The following HSF2 variants were observed in gnomAD, a reference collection of about 807,000 sequenced individuals.
The protein encoded by HSF2 is heat shock factor protein 2.
A neutral mutation model predicts 65.0 loss-of-function variants in HSF2; 21 were observed. The observed-to-expected ratio is 0.32, with a 90% CI of 0.23 to 0.47. HSF2 has a LOEUF of 0.47. HSF2 is among the 20% of genes least tolerant of loss of function. The pLI is 1.00. For synonymous variants in HSF2, 225 were observed against 219.1 expected, an observed-to-expected ratio of 1.03 and a Z score of -0.24; for missense variants, 499 against 628.1, an observed-to-expected ratio of 0.79 and a Z score of 2.20.
intron 1 of HSF2, among the ~76,000 whole-genome samples, chr6:122,404,235 A>G (rs1164181461): frequency 1.3e-5 from 2 of 152,154 alleles, no homozygotes; most frequent in Admixed American, 6.5e-5. Context: ...GCTGTTTTGG[A>G]TGAATTTGAG....
In HSF2 at chr6:122,404,679, A is replaced by G. The variant is rs553254460; in HGVS notation, c.93+4849A>G. Among the ~76,000 whole-genome samples the G allele has an allele frequency of 6.6e-5, 10 of 152,326 alleles. 1 individual carries two copies. Among genetic ancestry groups the G allele is most frequent in the South Asian group, 4.1e-4 (2 of 4,824 alleles). ...GGTAAGGTTTAAGGAGAAGGTGCCT[A>G]TCTTTCCCACCTCACTCAGTAGTAG... is the stretch of plus-strand genomic sequence containing the variant. On this transcript the variant is annotated intron_variant, in intron 1 of 12. Transcript: ENST00000368455.
chr6:122,419,380 A>C (rs1044555334), intron 6 of HSF2, 151 bp downstream of exon 6: 1 of 502,902 alleles, frequency 2.0e-6, no homozygotes, highest in Non-Finnish European at 3.6e-6. Flanking sequence ...AAATCTCTAG[A>C]GTAGTATTAT....
chr6:122,416,970 A>C (rs774308716), intron 5 of HSF2, among the ~76,000 whole-genome samples: 3 of 152,182 alleles, frequency 2.0e-5, no homozygotes, highest in Non-Finnish European at 2.9e-5. Flanking sequence ...TGAGTAAACT[A>C]GACTCTGAGT....
At chr6:122,403,145 T>C (rs568273846) in intron 1 of HSF2, among the ~76,000 whole-genome samples, 1 of 152,186 alleles carries the variant, frequency 6.6e-6, no homozygotes, top group Non-Finnish European at 1.5e-5. Context: ...GAGACGTACA[T>C]AACTTTAATT....
At chr6:122,405,425 A>ACTAT (rs1297232297) in intron 1 of HSF2, among the ~76,000 whole-genome samples, 2 of 152,202 alleles carry the variant, frequency 1.3e-5, no homozygotes, top group Non-Finnish European at 2.9e-5. Context: ...AGAGTTACTG[A>ACTAT]CTATATCAGG....
At chr6:122,407,697 C>A (rs556277436) in intron 1 of HSF2, among the ~76,000 whole-genome samples, 29 of 152,192 alleles carry the variant, frequency 1.9e-4, no homozygotes, top group Admixed American at 3.9e-4. Context: ...AGTTGTCTAG[C>A]ACCTTTACTG....
At chr6:122,400,273 G>A (rs1773697409) in intron 1 of HSF2, among the ~76,000 whole-genome samples, 1 of 152,160 alleles carries the variant, frequency 6.6e-6, no homozygotes. Context: ...CTTTATAGGA[G>A]GCGATCTTTA....
intron 1 of HSF2, among the ~76,000 whole-genome samples, chr6:122,400,166 CT>C (rs1467962676): frequency 6.6e-6 from 1 of 152,146 alleles, no homozygotes; most frequent in East Asian, 1.9e-4. Context: ...GCGGGAGCCT[CT>C]TTACTGCACA....
chr6:122,407,331 A>G (rs1159085760), intron 1 of HSF2, among the ~76,000 whole-genome samples: 1 of 152,176 alleles, frequency 6.6e-6, no homozygotes, highest in Non-Finnish European at 1.5e-5. Context: ...TAACCTCAAG[A>G]TAGTGTGAAT....
At chr6:122,407,935 G>A (rs1773903294) in intron 1 of HSF2, among the ~76,000 whole-genome samples, 1 of 150,066 alleles carries the variant, frequency 6.7e-6, no homozygotes. Flanking sequence ...GCAGACAGCT[G>A]CCTTCTCTCT....
intron 1 of HSF2, among the ~76,000 whole-genome samples, chr6:122,406,918 T>G (rs974967666): frequency 1.3e-5 from 2 of 152,198 alleles, no homozygotes; most frequent in Non-Finnish European, 2.9e-5. Context: ...CTTGACTGAC[T>G]TCCACACTCC....
intron 11 of HSF2, among the ~76,000 whole-genome samples, chr6:122,428,992 T>C (rs1268512184): frequency 6.6e-6 from 1 of 152,130 alleles, no homozygotes; most frequent in Non-Finnish European, 1.5e-5. Context: ...ATATGTTCTC[T>C]GTCATAACTA....
chr6:122,422,391 A>G, intron 8 of HSF2, 93 bp downstream of exon 8: 1 of 973,472 alleles, frequency 1.0e-6, no homozygotes, highest in Non-Finnish European at 1.6e-6. Flanking sequence ...TTGAAAAATA[A>G]TAATCTTTCT....
chr6:122,409,847 T>C (rs1773950698), intron 1 of HSF2, among the ~76,000 whole-genome samples: 1 of 151,956 alleles, frequency 6.6e-6, no homozygotes, highest in African/African-American at 2.4e-5. Context: ...AAAGCTTGCT[T>C]GTAAAGAGTA....
chr6:122,430,264 TTTC>T (rs1192723183), intron 11 of HSF2, among the ~76,000 whole-genome samples: 3 of 152,216 alleles, frequency 2.0e-5, no homozygotes, highest in African/African-American at 7.2e-5. Context: ...AATTTATTCA[TTTC>T]TTCTGGATTT....
Position 122,432,125 on chromosome 6 carries a change from T to C in HSF2, c.1516T>C (p.Leu506=), listed in dbSNP as rs1774486843. ...TQSKLVRLEP[L]TEAEASEATL... is the part of the protein sequence containing the mutation. Reference sequence around the variant, plus strand: ...AAGTAAGCTTGTTCGCCTGGAGCCATTGACTGAAGCTGAAGCTAGTGAAGC... The same window carrying C: ...AAGTAAGCTTGTTCGCCTGGAGCCACTGACTGAAGCTGAAGCTAGTGAAGC... Residue 506 remains leucine, a synonymous_variant, in exon 13 of 13, where the codon TTG becomes CTG. Transcript: ENST00000368455. 1.2e-6 allele frequency: 2 copies of C among 1,614,136 alleles called. No homozygotes were observed. The highest frequency in any genetic ancestry group is 1.7e-6 in the Non-Finnish European group (2 of 1,179,984).
intron 1 of HSF2, among the ~76,000 whole-genome samples, chr6:122,404,234 G>T (rs1773810798): frequency 6.6e-6 from 1 of 152,184 alleles, no homozygotes; most frequent in South Asian, 2.1e-4. Context: ...AGCTGTTTTG[G>T]ATGAATTTGA....
rs970850108 is a variant in HSF2, at chr6:122,422,085, A to G, written c.682-65A>G. On this transcript the variant is annotated intron_variant, in intron 7 of 12. Transcript: ENST00000368455. ...TAGTAGTTGCCTAGTTATTTTGTAG[A>G]TGATATCTTGTTTGGTAGTCAATGA... 19 of 1,135,930 alleles carry G rather than the reference A, an allele frequency of 1.7e-5. No individual in the cohort carries two copies. In the Admixed American group the frequency reaches 4.1e-4, roughly 25 times the overall value. The allele number at this position is 1,135,930 out of a possible 1,614,324, so 70.4% of individuals were successfully genotyped here. A position where few individuals can be genotyped will look rare whatever the true frequency, so the allele number is the denominator to read the frequency against.
At chr6:122,407,476 C>T (rs1231201781) in intron 1 of HSF2, among the ~76,000 whole-genome samples, 2 of 152,112 alleles carry the variant, frequency 1.3e-5, no homozygotes, top group Non-Finnish European at 2.9e-5. Context: ...AAAGCATTGT[C>T]TCAATGAGGT....
Sources: allele counts gnomAD v4.1 joint callset (sites outside exome capture counted in the v4.1 genomes callset), GRCh38; gene constraint gnomAD v4.1.1; transcripts MANE v1.5; gene names NCBI Gene and HGNC (gene_info 2026-07-23, HGNC 2026-07-21).